Variants in FOXK2 observed in about 807,000 individuals in gnomAD.
FOXK2 encodes the protein forkhead box protein K2.
FOXK2 carries 24 observed loss-of-function variants against 53.3 expected under a neutral mutation model. The observed-to-expected ratio is 0.45, with a 90% confidence interval of 0.33 to 0.63. FOXK2 has a LOEUF of 0.63. Among genes scored for constraint, FOXK2 ranks in the 30% least tolerant of loss-of-function variants. The pLI is 0.03. For synonymous variants in FOXK2, 505 were observed against 407.1 expected (o/e 1.24, Z -2.89); for missense variants, 952 against 910.5 (o/e 1.05, Z -0.59).
intron 4 of FOXK2, chr17:82,577,086 C>T (rs1021988161): frequency 6.4e-6 from 3 of 465,158 alleles, no homozygotes; most frequent in Admixed American, 3.5e-5. Flanking sequence ...TGTTTGAACC[C>T]ACATGGCGGA....
intron 1 of FOXK2, among the ~76,000 whole-genome samples, chr17:82,551,327 A>T (rs1047690226): frequency 2.3e-4 from 1 of 4,360 alleles, no homozygotes; most frequent in Non-Finnish European, 3.9e-4. Context: ...AAAAAAAAAA[A>T]TTAAAAAAAA....
chr17:82,575,388 G>A (rs2044970445), intron 4 of FOXK2, among the ~76,000 whole-genome samples: 1 of 152,146 alleles, frequency 6.6e-6, no homozygotes, highest in Non-Finnish European at 1.5e-5. Flanking sequence ...TAGGTGCCCA[G>A]TCAAATAGGA....
At position 82,601,888 on chromosome 17, in the gene FOXK2, A is replaced by ACC. The variant is rs1369197538; in HGVS notation, c.*390_*391dup. 2 of 182,038 alleles carry ACC rather than the reference A, an allele frequency of 1.1e-5. No homozygotes were observed. Among genetic ancestry groups the ACC allele is most frequent in the African/African-American group, 4.7e-5 (2 of 42,702 alleles). The allele number at this position is 182,038 out of a possible 1,614,324, so 11.3% of individuals were successfully genotyped here. ...CATCCCCGCCGCCCTCACAGGACCC[A>ACC]CCAGGCAGCGGAGACATGTGGAATT... On this transcript the variant is annotated 3_prime_UTR_variant, in exon 9 of 9. Coordinates refer to ENST00000335255, the MANE Select transcript of FOXK2 (RefSeq NM_004514.4).
intron 1 of FOXK2, among the ~76,000 whole-genome samples, chr17:82,533,876 G>A (rs533314522): frequency 9.6e-4 from 146 of 152,120 alleles, no homozygotes; most frequent in Non-Finnish European, 1.7e-3. Context: ...GTGCGCAGCT[G>A]TAATCCCAGC....
At chr17:82,583,136 A>C (rs2045084244) in intron 5 of FOXK2, among the ~76,000 whole-genome samples, 1 of 152,228 alleles carries the variant, frequency 6.6e-6, no homozygotes, top group African/African-American at 2.4e-5. Context: ...CGATTTGCAA[A>C]GTTTAAACTG....
chr17:82,552,977 C>G (rs537029936), intron 1 of FOXK2, among the ~76,000 whole-genome samples: 2 of 152,154 alleles, frequency 1.3e-5, no homozygotes, highest in Non-Finnish European at 2.9e-5. Context: ...GCTCTGTTGC[C>G]GAGGCTGCAG....
In FOXK2 at chr17:82,520,148, G is replaced by T. The variant is rs1396157437; in HGVS notation, c.260G>T (p.Gly87Val). The T allele has an allele frequency of 1.1e-5, 16 of 1,520,930 alleles. No individual in the cohort carries two copies. The highest frequency in any genetic ancestry group is 1.4e-5 in the Non-Finnish European group (16 of 1,133,990). 94.2% of individuals were successfully genotyped at this position (1,520,930 alleles called of 1,614,324 possible). The change falls in exon 1 of 9, where the codon GGC becomes GTC. Residue 87 changes from glycine (G) to valine (V), a missense_variant. Around this residue, in one of 5 missense-constraint regions of FOXK2, gnomAD observed 163 missense variants for 165.5 expected, o/e 0.98. Transcript: ENST00000335255. ...RRHLEIFTPP[G>V]GGGHGGAAPE... ...CACCTCGAGATCTTCACGCCCCCGG[G>T]CGGCGGCGGCCATGGCGGGGCCGCT... is the stretch of plus-strand genomic sequence containing the variant.
At chr17:82,550,866 G>A (rs894866399) in intron 1 of FOXK2, among the ~76,000 whole-genome samples, 4 of 152,188 alleles carry the variant, frequency 2.6e-5, no homozygotes, top group African/African-American at 9.6e-5. Context: ...TGTCTGTATG[G>A]AAAAGTTCTG....
chr17:82,532,601 T>C (rs1236924774), intron 1 of FOXK2, among the ~76,000 whole-genome samples: 4 of 152,248 alleles, frequency 2.6e-5, no homozygotes, highest in Non-Finnish European at 5.9e-5. Context: ...TGTTGTTTTT[T>C]TCTGAGACTA....
intron 4 of FOXK2, among the ~76,000 whole-genome samples, chr17:82,573,117 C>G (rs558741555): frequency 6.6e-6 from 1 of 152,010 alleles, no homozygotes; most frequent in South Asian, 2.1e-4. Flanking sequence ...CACCTGAGCC[C>G]AGGAAGCAGA....
At chr17:82,523,009 G>T (rs1298720330) in intron 1 of FOXK2, among the ~76,000 whole-genome samples, 1 of 152,076 alleles carries the variant, frequency 6.6e-6, no homozygotes, top group African/African-American at 2.4e-5. Flanking sequence ...TGGCCAGGAT[G>T]GTCTTGATCT....
intron 1 of FOXK2, among the ~76,000 whole-genome samples, chr17:82,545,461 A>G (rs922702347): frequency 1.3e-5 from 2 of 152,164 alleles, no homozygotes; most frequent in Non-Finnish European, 2.9e-5. Flanking sequence ...AGTAACGTGG[A>G]TATACAACGA....
intron 4 of FOXK2, among the ~76,000 whole-genome samples, chr17:82,576,018 G>A (rs1287025188): frequency 7.8e-6 from 1 of 128,604 alleles, no homozygotes; most frequent in Non-Finnish European, 1.6e-5. Flanking sequence ...GTGTGCTCGG[G>A]TGGCGGCGGC....
Position 82,586,163 on chromosome 17 carries a change from A to G in FOXK2, c.1539A>G (p.Ala513=). Residue 513 remains alanine, a synonymous_variant, in exon 7 of 9, where the codon GCA becomes GCG. Coordinates refer to ENST00000335255, the MANE Select transcript of FOXK2 (RefSeq NM_004514.4). ...CAGCCGTGCTGGCCCCTCCTAAGGC[A>G]GAGGCCCAGGAGAATGGAGACCACA... is the stretch of plus-strand genomic sequence containing the variant. ...TPAAVLAPPK[A]EAQENGDHRE... 2 of 1,611,630 alleles carry G rather than the reference A, an allele frequency of 1.2e-6. No individual in the cohort carries two copies. Among genetic ancestry groups the G allele is most frequent in the Non-Finnish European group, 8.5e-7 (1 of 1,179,540 alleles).
rs570917244 is a variant in FOXK2 at position 82,574,342 on chromosome 17, T to TA, written c.909+2473dup. ...CTCTCTTTTTTTTTTTTTTTTGAGA[T>TA]AGAGTTTTGCTCTTGTTGCCCAGGC... is the stretch of plus-strand genomic sequence containing the variant. On this transcript the variant is annotated intron_variant, in intron 4 of 8. Coordinates refer to ENST00000335255, the MANE Select transcript of FOXK2 (RefSeq NM_004514.4). 1.6e-4 allele frequency among the ~76,000 whole-genome samples: 24 copies of TA among 148,298 alleles called. 1 individual carries two copies. In the East Asian group the frequency reaches 4.4e-3, roughly 27 times the overall value.
intron 1 of FOXK2, among the ~76,000 whole-genome samples, chr17:82,546,936 G>A (rs2044631488): frequency 6.6e-6 from 1 of 151,996 alleles, no homozygotes; most frequent in African/African-American, 2.4e-5. Flanking sequence ...AATTAGTCGG[G>A]CGTGGTGGTG....
Position 82,550,499 on chromosome 17 carries a change from G to T in FOXK2, c.420-12855G>T, listed in dbSNP as rs1005034838. 2.0e-5 allele frequency among the ~76,000 whole-genome samples: 3 copies of T among 149,590 alleles called. No individual in the cohort carries two copies. In the East Asian group the frequency reaches 6.1e-4, roughly 30 times the overall value. On this transcript the variant is annotated intron_variant, in intron 1 of 8. Coordinates refer to ENST00000335255, the MANE Select transcript of FOXK2 (RefSeq NM_004514.4). ...ACTCCATGCCTGGCCCTTCTGAGGCGGGCTTTTTTTTTTTTTTTTTTGAGA... is the reference window on the plus strand; with the variant it reads ...ACTCCATGCCTGGCCCTTCTGAGGCTGGCTTTTTTTTTTTTTTTTTTGAGA...
chr17:82,551,326 AAT>A (rs200386130), intron 1 of FOXK2, among the ~76,000 whole-genome samples: 24,074 of 47,034 alleles, frequency 0.51, 2,362 homozygotes, highest in East Asian at 0.62. Context: ...CAAAAAAAAA[AAT>A]TAAAAAAAAA....
intron 7 of FOXK2, among the ~76,000 whole-genome samples, chr17:82,586,401 CGGGGGGGAA>C (rs2045159757): frequency 4.9e-5 from 2 of 41,192 alleles, no homozygotes; most frequent in Admixed American, 7.1e-4. Context: ...GAAAGGTGGG[CGGGGGGGAA>C]AGGAGGAGAG....
Sources: allele counts gnomAD v4.1 joint callset (sites outside exome capture counted in the v4.1 genomes callset), GRCh38; gene constraint gnomAD v4.1.1; regional missense constraint gnomAD v4.1.1; transcripts MANE v1.5; gene names NCBI Gene and HGNC (gene_info 2026-07-23, HGNC 2026-07-21).